The following LARGE1 variants were observed in gnomAD, a reference collection of about 807,000 sequenced individuals.
The protein encoded by LARGE1 is xylosyl- and glucuronyltransferase LARGE1.
A neutral mutation model predicts 87.6 loss-of-function variants in LARGE1; 43 were observed. That is an observed-to-expected ratio of 0.49 (90% CI 0.38 to 0.63). LARGE1 has a LOEUF of 0.63. Among genes scored for constraint, LARGE1 ranks in the 30% least tolerant of loss-of-function variants. The probability of loss-of-function intolerance (pLI) is 0.00; values close to 1 mark genes in which losing one functional copy is unlikely to be tolerated. For synonymous variants in LARGE1, 434 were observed against 394.6 expected (o/e 1.10, Z -1.18); for missense variants, 802 against 1,000.2 (o/e 0.80, Z 2.67).
At chr22:33,262,229 G>A (rs536040464) in intron 11 of LARGE1, among the ~76,000 whole-genome samples, 5 of 152,286 alleles carry the variant, frequency 3.3e-5, no homozygotes, top group East Asian at 1.9e-4. Context: ...TGGCACATCC[G>A]GCTTCAAGAA....
chr22:33,273,777 T>C lies in LARGE1; in HGVS notation c.*650A>G. ...AAAGGATCAGATTTTCTATTTTGGA[T>C]TGCCAGCCCCAAAAATAAACAAAAC... On this transcript the variant is annotated 3_prime_UTR_variant, in exon 15 of 15. Transcript: ENST00000397394. 2.5e-6 allele frequency: 1 copy of C among 398,282 alleles called. No homozygotes were observed. Among genetic ancestry groups the C allele is most frequent in the Non-Finnish European group, 4.4e-6 (1 of 226,926 alleles). 24.7% of individuals were successfully genotyped at this position (398,282 alleles called of 1,614,324 possible). A position where few individuals can be genotyped will look rare whatever the true frequency, so the allele number is the denominator to read the frequency against.
chr22:33,330,137 G>C (rs936072177), intron 10 of LARGE1, among the ~76,000 whole-genome samples: 1 of 152,138 alleles, frequency 6.6e-6, no homozygotes, highest in Non-Finnish European at 1.5e-5. Context: ...TCCAATAGCA[G>C]AGTAAGCTGC....
intron 2 of LARGE1, among the ~76,000 whole-genome samples, chr22:33,680,125 T>C (rs2081712957): frequency 1.3e-5 from 2 of 152,196 alleles, no homozygotes; most frequent in African/African-American, 4.8e-5. Flanking sequence ...CTTCAGGTCA[T>C]ACATCCAGTT....
chr22:33,544,846 T>C (rs2077310953), intron 6 of LARGE1, among the ~76,000 whole-genome samples: 1 of 152,198 alleles, frequency 6.6e-6, no homozygotes, highest in South Asian at 2.1e-4. Context: ...GTCTTGCAGC[T>C]GGCCAGGACT....
the LARGE1 span, among the ~76,000 whole-genome samples, chr22:33,104,927 CT>C: frequency 1.4e-5 from 2 of 143,432 alleles, no homozygotes; most frequent in African/African-American, 5.3e-5. Context: ...TTCTTTCTTT[CT>C]TTCTTTCTTT....
chr22:33,650,936 G>C (rs2080782208), intron 2 of LARGE1, among the ~76,000 whole-genome samples: 2 of 152,010 alleles, frequency 1.3e-5, no homozygotes, highest in Admixed American at 1.3e-4. Context: ...TAAATGCACT[G>C]TCTTCCTCTC....
intron 11 of LARGE1, among the ~76,000 whole-genome samples, chr22:33,185,010 T>G (rs1291042712): frequency 6.6e-6 from 1 of 152,182 alleles, no homozygotes; most frequent in Admixed American, 6.5e-5. Context: ...TCTTATAAAA[T>G]TAAACATAAT....
intron 4 of LARGE1, among the ~76,000 whole-genome samples, chr22:33,612,500 G>A (rs935987721): frequency 6.6e-6 from 1 of 152,152 alleles, no homozygotes; most frequent in Non-Finnish European, 1.5e-5. Context: ...TGGATATGTG[G>A]GTTGCCTGGA....
intron 1 of LARGE1, among the ~76,000 whole-genome samples, chr22:33,821,578 C>A (rs890639101): frequency 1.3e-5 from 2 of 152,232 alleles, no homozygotes; most frequent in African/African-American, 4.8e-5. Context: ...CACCAGCCTG[C>A]GTAAAGAGCG....
chr22:33,323,656 A>C (rs570584022), intron 10 of LARGE1, among the ~76,000 whole-genome samples: 1 of 152,208 alleles, frequency 6.6e-6, no homozygotes, highest in African/African-American at 2.4e-5. Context: ...CACTCAAAAA[A>C]AGAAGGGAAC....
chr22:33,665,512 C>G (rs1001413894), intron 2 of LARGE1, among the ~76,000 whole-genome samples: 3 of 152,180 alleles, frequency 2.0e-5, no homozygotes, highest in African/African-American at 7.2e-5. Context: ...CCTTACTGAC[C>G]AGCCACTTTG....
chr22:33,464,908 T>C (rs13054751), intron 6 of LARGE1, among the ~76,000 whole-genome samples: 2,641 of 128,554 alleles, frequency 0.021, 17 homozygotes, highest in African/African-American at 0.034. Flanking sequence ...CACACACACA[T>C]ACACATGCAC....
At chr22:33,499,904 G>A (rs1038505949) in intron 6 of LARGE1, among the ~76,000 whole-genome samples, 2 of 152,152 alleles carry the variant, frequency 1.3e-5, no homozygotes, top group Admixed American at 1.3e-4. Context: ...CTCCTGAGTA[G>A]CTGGGATTAC....
At chr22:33,789,519 T>C (rs1420250894) in intron 1 of LARGE1, among the ~76,000 whole-genome samples, 1 of 152,116 alleles carries the variant, frequency 6.6e-6, no homozygotes, top group Non-Finnish European at 1.5e-5. Flanking sequence ...GACCCTAGAA[T>C]GGTAGATCCA....
intron 11 of LARGE1, among the ~76,000 whole-genome samples, chr22:33,169,271 T>C (rs1922433299): frequency 6.6e-6 from 1 of 152,182 alleles, no homozygotes; most frequent in Non-Finnish European, 1.5e-5. Flanking sequence ...AATGAGGTAG[T>C]AAAACATTTC....
the LARGE1 span, among the ~76,000 whole-genome samples, chr22:33,147,348 C>A: frequency 1.3e-5 from 2 of 151,888 alleles, no homozygotes; most frequent in Admixed American, 1.3e-4. Context: ...GTAATAGAAC[C>A]AATTTATACC....
intron 4 of LARGE1, among the ~76,000 whole-genome samples, chr22:33,607,088 G>A (rs1275503553): frequency 6.6e-6 from 1 of 152,140 alleles, no homozygotes; most frequent in Admixed American, 6.5e-5. Context: ...TGAATGGATA[G>A]ATGGGAGATG....
At chr22:33,189,938 C>A (rs1045790966) in intron 11 of LARGE1, among the ~76,000 whole-genome samples, 1 of 152,168 alleles carries the variant, frequency 6.6e-6, no homozygotes, top group African/African-American at 2.4e-5. Context: ...CCAGAATTCA[C>A]AAGAAGTTGT....
intron 1 of LARGE1, among the ~76,000 whole-genome samples, chr22:33,882,029 G>GTT (rs1279760365): frequency 2.2e-5 from 3 of 137,288 alleles, no homozygotes; most frequent in African/African-American, 6.2e-5. Flanking sequence ...GGGTTTTTTT[G>GTT]TTTTTGTTTT....
Sources: allele counts gnomAD v4.1 joint callset (sites outside exome capture counted in the v4.1 genomes callset), GRCh38; gene constraint gnomAD v4.1.1; transcripts MANE v1.5; gene names NCBI Gene and HGNC (gene_info 2026-07-23, HGNC 2026-07-21).